The following ASAP1 variants were observed in gnomAD, a reference collection of about 807,000 sequenced individuals.
The protein encoded by ASAP1 is arf-GAP with SH3 domain, ANK repeat and PH domain-containing protein 1.
In ASAP1, 43 loss-of-function variants were observed where a neutral mutation model predicts 145.2. The ratio of observed to expected loss-of-function variants is 0.30; its 90% CI spans 0.23 to 0.38. The LOEUF (loss-of-function observed/expected upper bound fraction) is 0.38. Ranked by LOEUF, ASAP1 falls within the 10% of genes least tolerant of loss-of-function variation. The probability of loss-of-function intolerance (pLI) is 1.00; values close to 1 mark genes in which losing one functional copy is unlikely to be tolerated. For missense variants in ASAP1, 1,018 were observed against 1,355.3 expected (o/e 0.75, Z 3.91); for synonymous variants, 546 against 515.5 (o/e 1.06, Z -0.80).
intron 27 of ASAP1, among the ~76,000 whole-genome samples, chr8:130,069,966 T>TA (rs2097438942): frequency 6.6e-6 from 1 of 152,146 alleles, no homozygotes; most frequent in Non-Finnish European, 1.5e-5. Flanking sequence ...AACTAGAATA[T>TA]AAAAATGTAA....
At chr8:130,148,814 C>T (rs1305094849) in intron 13 of ASAP1, among the ~76,000 whole-genome samples, 2 of 151,942 alleles carry the variant, frequency 1.3e-5, no homozygotes, top group East Asian at 3.9e-4. Context: ...TTCATATAAG[C>T]TTTATACTTG....
intron 7 of ASAP1, 119 bp downstream of exon 7, chr8:130,187,117 G>A (rs1251327681): frequency 3.6e-6 from 3 of 827,176 alleles, no homozygotes; most frequent in Non-Finnish European, 5.6e-6. Context: ...ACAGGTTTTT[G>A]TTGAGAAGTT....
At chr8:130,069,438 T>C (rs915883774) in intron 27 of ASAP1, 2 of 152,258 alleles carry the variant, frequency 1.3e-5, no homozygotes, top group South Asian at 2.1e-4. Flanking sequence ...GGTTCTGCCA[T>C]GCTGCCCAGG....
chr8:130,063,430 C>A (rs2097423465), intron 27 of ASAP1, among the ~76,000 whole-genome samples: 2 of 152,222 alleles, frequency 1.3e-5, no homozygotes, highest in African/African-American at 2.4e-5. Context: ...TCTCTCCGCA[C>A]TCCTGGCTTT....
chr8:130,075,244 G>C (rs1389313858), intron 27 of ASAP1, among the ~76,000 whole-genome samples: 3 of 152,178 alleles, frequency 2.0e-5, no homozygotes. Context: ...ACCAACCCTA[G>C]ATAAAGACTC....
intron 13 of ASAP1, among the ~76,000 whole-genome samples, chr8:130,140,296 T>G (rs2097607344): frequency 1.3e-5 from 2 of 151,930 alleles, no homozygotes; most frequent in Non-Finnish European, 2.9e-5. Context: ...CAGCCTCAAG[T>G]GAGATTATAG....
chr8:130,077,347 C>T (rs2097464949), intron 26 of ASAP1, among the ~76,000 whole-genome samples: 1 of 152,158 alleles, frequency 6.6e-6, no homozygotes, highest in Non-Finnish European at 1.5e-5. Context: ...CAGTGGTCTA[C>T]ATTAGGTGGA....
In ASAP1 at chr8:130,358,740, GGCCCCCGCCCCGCCCC is replaced by G. The variant is rs1826530906; in HGVS notation, c.60-613_60-598del. Among the ~76,000 whole-genome samples, 1 of 50,764 alleles carries G rather than the reference GGCCCCCGCCCCGCCCC, an allele frequency of 2.0e-5. No homozygotes were observed. Among genetic ancestry groups the G allele is most frequent in the Non-Finnish European group, 3.7e-5 (1 of 26,730 alleles). 33.3% of individuals were successfully genotyped at this position (50,764 alleles called of 152,430 possible). A position where few individuals can be genotyped will look rare whatever the true frequency, so the allele number is the denominator to read the frequency against. ...CCCGCCCGCGCCCCGCCCCCGGCCC[GGCCCCCGCCCCGCCCC>G]GCCCCCGCTCGCGCACAGCCCCTGG... On this transcript the variant is annotated intron_variant, in intron 2 of 29. Transcript: ENST00000518721. This position sits in a 1 kb window ranked among gnomAD's most constrained non-coding sequence, Gnocchi z 4.1.
At chr8:130,116,437 G>T (rs1037425646) in intron 22 of ASAP1, among the ~76,000 whole-genome samples, 1 of 152,158 alleles carries the variant, frequency 6.6e-6, no homozygotes, top group East Asian at 1.9e-4. Context: ...TGCACAAGTC[G>T]ATCTGGTAAT....
In ASAP1 at chr8:130,160,638, T is replaced by G. The variant is rs116505936; in HGVS notation, c.910-674A>C. The G allele has an allele frequency of 5.6e-4, 206 of 369,752 alleles. 1 individual carries two copies. Among genetic ancestry groups the G allele is most frequent in the African/African-American group, 3.9e-3 (175 of 45,246 alleles). 22.9% of individuals were successfully genotyped at this position (369,752 alleles called of 1,614,324 possible). A position where few individuals can be genotyped will look rare whatever the true frequency, so the allele number is the denominator to read the frequency against. On this transcript the variant is annotated intron_variant, in intron 11 of 29. Transcript: ENST00000518721. ...TTAGCATTCCACTGACATTTAACCA[T>G]AGTTTCTAAGGACTACATGACTAGA... is the stretch of plus-strand genomic sequence containing the variant.
In ASAP1 at chr8:130,386,368, A is replaced by T. The variant is rs192535071; in HGVS notation, c.59+15517T>A. On this transcript the variant is annotated intron_variant, in intron 2 of 29. Transcript: ENST00000518721. ...ATCACCCAAAACTAAAACTGTGCTG[A>T]CCACGGAGGTAACACGTTCCATTGC... Among the ~76,000 whole-genome samples the T allele has an allele frequency of 2.6e-5, 4 of 152,314 alleles. No individual in the cohort carries two copies. The East Asian group carries it at 7.7e-4, about 29-fold the overall frequency.
chr8:130,368,986 G>C (rs952204168), intron 2 of ASAP1, among the ~76,000 whole-genome samples: 1 of 152,164 alleles, frequency 6.6e-6, no homozygotes, highest in Admixed American at 6.5e-5. Context: ...ACAGTTACTA[G>C]ATGTGTTATG....
chr8:130,390,055 G>A (rs1828203009), intron 2 of ASAP1, among the ~76,000 whole-genome samples: 1 of 152,256 alleles, frequency 6.6e-6, no homozygotes, highest in South Asian at 2.1e-4. Context: ...ACAACTTAAA[G>A]AATTAGAAAC....
At chr8:130,133,457 C>A (rs1283580304) in intron 15 of ASAP1, among the ~76,000 whole-genome samples, 1 of 151,484 alleles carries the variant, frequency 6.6e-6, no homozygotes, top group African/African-American at 2.4e-5. Flanking sequence ...GAGATCGAGA[C>A]CATCCTGGCT....
chr8:130,142,659 A>G (rs1334541623), intron 13 of ASAP1, among the ~76,000 whole-genome samples: 3 of 152,194 alleles, frequency 2.0e-5, no homozygotes, highest in Non-Finnish European at 2.9e-5. Flanking sequence ...CAACCTTCAG[A>G]GAGGACTTGG....
At chr8:130,226,391 C>T (rs577476741) in intron 4 of ASAP1, among the ~76,000 whole-genome samples, 60 of 152,308 alleles carry the variant, frequency 3.9e-4, no homozygotes, top group African/African-American at 1.4e-3. Flanking sequence ...AATTATTTCA[C>T]TTCCCTGAGC....
intron 3 of ASAP1, among the ~76,000 whole-genome samples, chr8:130,278,063 G>C (rs1431520098): frequency 6.9e-6 from 1 of 145,416 alleles, no homozygotes; most frequent in African/African-American, 2.6e-5. Flanking sequence ...TAAGTGTGTT[G>C]AAAACCAGAA....
At chr8:130,216,671 G>A (rs1241234900) in intron 4 of ASAP1, among the ~76,000 whole-genome samples, 1 of 151,970 alleles carries the variant, frequency 6.6e-6, no homozygotes, top group East Asian at 1.9e-4. Context: ...TCAGTCTTAC[G>A]GCTTTAAATA....
intron 3 of ASAP1, among the ~76,000 whole-genome samples, chr8:130,256,595 T>C (rs1490394186): frequency 2.0e-5 from 3 of 151,790 alleles, no homozygotes; most frequent in Non-Finnish European, 4.4e-5. Context: ...ATTTTTGCCT[T>C]GGAGATAAAA....
Sources: allele counts gnomAD v4.1 joint callset (sites outside exome capture counted in the v4.1 genomes callset), GRCh38; gene constraint gnomAD v4.1.1; non-coding constraint Gnocchi (gnomAD v3.1); transcripts MANE v1.5; gene names NCBI Gene and HGNC (gene_info 2026-07-23, HGNC 2026-07-21).